Variants in LPO observed in about 807,000 individuals in gnomAD.
LPO encodes the protein lactoperoxidase.
Under a neutral mutation model 68.4 loss-of-function variants are expected in LPO, and 70 were observed. The observed-to-expected ratio is 1.02, with a 90% CI of 0.84 to 1.25. The LOEUF is 1.25. Among genes scored for constraint, LPO ranks in the 50% most tolerant of loss-of-function variants. LPO has a pLI of 0.00. For synonymous variants in LPO, 360 were observed against 357.6 expected, an observed-to-expected ratio of 1.01 and a Z score of -0.08; for missense variants, 873 against 908.4, an observed-to-expected ratio of 0.96 and a Z score of 0.50.
In LPO at chr17:58,268,004, C is replaced by A. The variant is rs1474137029; in HGVS notation, c.*10C>A. On this transcript the variant is annotated 3_prime_UTR_variant, in exon 13 of 13. Coordinates refer to ENST00000262290, the MANE Select transcript of LPO (RefSeq NM_006151.3). ...CTCAGTGAAGAATTAGGGGCCCGCG[C>A]TGCACAGGAAAGTTCCCTTTGGTCC... is the stretch of plus-strand genomic sequence containing the variant. 3 of 1,612,606 alleles carry A rather than the reference C, an allele frequency of 1.9e-6. No homozygotes were observed. The highest frequency in any genetic ancestry group is 1.7e-6 in the Non-Finnish European group (2 of 1,179,898).
At chr17:58,239,087 G>A (rs1969709776) in intron 1 of LPO, among the ~76,000 whole-genome samples, 1 of 151,938 alleles carries the variant, frequency 6.6e-6, no homozygotes, top group Admixed American at 6.6e-5. Flanking sequence ...CAGGAATTTG[G>A]GGGAAAACAG....
At position 58,264,819 on chromosome 17, in the gene LPO, G is replaced by A; in HGVS notation, c.1364G>A (p.Arg455Lys). 1 of 1,614,256 alleles carries A rather than the reference G, an allele frequency of 6.2e-7. No homozygotes were observed. Among genetic ancestry groups the A allele is most frequent in the Non-Finnish European group, 8.5e-7 (1 of 1,180,048 alleles). The change falls in exon 10 of 13, where the codon AGA becomes AAA. Residue 455 changes from arginine (R) to lysine (K), a missense_variant. Arg to Lys is a conservative substitution (Grantham distance 26, BLOSUM62 2). Coordinates refer to ENST00000262290, the MANE Select transcript of LPO (RefSeq NM_006151.3). ...GGCTACAGTGAATCTGTGGATCCCAGAATTTCCAATGTCTTCACCTTCGCC... is the reference window on the plus strand; with the variant it reads ...GGCTACAGTGAATCTGTGGATCCCAAAATTTCCAATGTCTTCACCTTCGCC... Reference protein sequence around the residue: ...YQGYSESVDPRISNVFTFAFR... With the variant: ...YQGYSESVDPKISNVFTFAFR...
chr17:58,261,543 T>TA lies in LPO; in HGVS notation c.1267-3168dup, dbSNP rs796408395. ...TTAGACATCATATAGTTGGGTCACT[T>TA]AAAAAAAAAAAGGAAAAGAAATATA... On this transcript the variant is annotated intron_variant, in intron 9 of 12. Transcript: ENST00000262290. Among the ~76,000 whole-genome samples, 1,454 of 145,474 alleles carry TA rather than the reference T, an allele frequency of 1.0e-2. 14 individuals are homozygous for TA. The highest frequency in any genetic ancestry group is 0.02 in the African/African-American group (788 of 39,984).
At chr17:58,265,573 C>CTTT (rs71365866) in intron 10 of LPO, among the ~76,000 whole-genome samples, 26 of 85,210 alleles carry the variant, frequency 3.1e-4, no homozygotes, top group Non-Finnish European at 4.4e-4. Flanking sequence ...TTAAAAATAC[C>CTTT]TTTTTTTTTT....
In LPO at chr17:58,250,466, C is replaced by G; in HGVS notation, c.625C>G (p.Leu209Val). ...TGGCTATCTGAATGAGGAGGGTGTT[C>G]TGGACCAAAACAGGTCCCTGCTCTT... Reference protein sequence around the residue: ...IVGYLNEEGVLDQNRSLLFMQ... With the variant: ...IVGYLNEEGVVDQNRSLLFMQ... Residue 209 changes from leucine (L) to valine (V), a missense_variant, in exon 7 of 13, where the codon CTG becomes GTG. Physicochemically the swap from Leu to Val is conservative, Grantham distance 32. Transcript: ENST00000262290. 6.2e-7 allele frequency: 1 copy of G among 1,614,172 alleles called. No individual in the cohort carries two copies. The highest frequency in any genetic ancestry group is 8.5e-7 in the Non-Finnish European group (1 of 1,180,034).
At chr17:58,253,840 G>A (rs11868675) in intron 8 of LPO, among the ~76,000 whole-genome samples, 1 of 152,142 alleles carries the variant, frequency 6.6e-6, no homozygotes, top group Non-Finnish European at 1.5e-5. Flanking sequence ...GCCTGGTGCA[G>A]TGGCTCATGC....
chr17:58,258,236 T>G (rs1357579938), intron 9 of LPO, among the ~76,000 whole-genome samples: 2 of 152,326 alleles, frequency 1.3e-5, no homozygotes, highest in East Asian at 3.9e-4. Flanking sequence ...GTCCTGGAGA[T>G]TTTCCCCAAT....
intron 8 of LPO, 105 bp from the exon 9 acceptor site, chr17:58,254,706 G>T (rs565038627): frequency 2.2e-5 from 24 of 1,111,642 alleles, no homozygotes; most frequent in African/African-American, 1.4e-4. Flanking sequence ...GACGGGGCGG[G>T]GGGGGCGGGG....
intron 9 of LPO, among the ~76,000 whole-genome samples, chr17:58,257,209 C>T (rs1025907563): frequency 3.3e-5 from 5 of 151,966 alleles, no homozygotes; most frequent in African/African-American, 1.2e-4. Context: ...GCTGAGATTA[C>T]AGACATGAGC....
intron 1 of LPO, among the ~76,000 whole-genome samples, chr17:58,242,267 A>G (rs1224594282): frequency 1.3e-5 from 2 of 152,234 alleles, no homozygotes; most frequent in African/African-American, 2.4e-5. Flanking sequence ...CTCATGGCAA[A>G]GAGGTTAATC....
intron 8 of LPO, among the ~76,000 whole-genome samples, chr17:58,253,798 C>T (rs1206837856): frequency 4.6e-5 from 7 of 152,192 alleles, no homozygotes; most frequent in African/African-American, 1.7e-4. Flanking sequence ...TGCACTCACA[C>T]CAAGAATTTA....
intron 9 of LPO, among the ~76,000 whole-genome samples, chr17:58,263,950 C>T (rs1427414059): frequency 6.6e-6 from 1 of 152,194 alleles, no homozygotes; most frequent in African/African-American, 2.4e-5. Context: ...ACTTCCCTGG[C>T]TGCCTGCTGT....
At chr17:58,247,397 A>G (rs1016343824) in intron 3 of LPO, 81 bp from the exon 4 acceptor site, 3 of 1,326,492 alleles carry the variant, frequency 2.3e-6, no homozygotes, top group African/African-American at 2.9e-5. Flanking sequence ...TGTTGTACAC[A>G]CACCCCTCCC....
intron 5 of LPO, 91 bp downstream of exon 5, chr17:58,249,268 C>A: frequency 8.5e-7 from 1 of 1,180,478 alleles, no homozygotes; most frequent in Non-Finnish European, 1.2e-6. Context: ...CTAGGCAGAT[C>A]TGCCACTGCC....
intron 9 of LPO, among the ~76,000 whole-genome samples, chr17:58,260,438 G>T (rs575730899): frequency 6.6e-6 from 1 of 152,050 alleles, no homozygotes; most frequent in African/African-American, 2.4e-5. Flanking sequence ...TATTAAATGC[G>T]CATGGTAAGA....
Position 58,264,781 on chromosome 17 carries a change from A to G in LPO, c.1326A>G (p.Ile442Met), listed in dbSNP as rs1440661314. ...TAGGTGACCACATGCAGAAGTGGAT[A>G]CCCCCATATCAAGGCTACAGTGAAT... ...ILLGDHMQKW[I>M]PPYQGYSESV... is the part of the protein sequence containing the mutation. Residue 442 changes from isoleucine to methionine, a missense_variant, in exon 10 of 13, where the codon ATA becomes ATG. By Grantham distance (10) the Ile-to-Met change is conservative. Transcript: ENST00000262290. 1.2e-6 allele frequency: 2 copies of G among 1,613,986 alleles called. No individual in the cohort carries two copies. Among genetic ancestry groups the G allele is most frequent in the African/African-American group, 2.7e-5 (2 of 74,896 alleles).
chr17:58,249,524 A>C (rs980323987), intron 5 of LPO, 42 bp from the exon 6 acceptor site: 11 of 1,590,740 alleles, frequency 6.9e-6, no homozygotes, highest in Non-Finnish European at 8.5e-6. Flanking sequence ...GGAGCCCCGG[A>C]GCCGGCCTGC....
At chr17:58,249,784 T>G in intron 6 of LPO, 89 bp downstream of exon 6, 1 of 1,451,006 alleles carries the variant, frequency 6.9e-7, no homozygotes, top group Non-Finnish European at 9.1e-7. Context: ...GGAGGAGGGA[T>G]CGGTGGGGGC....
intron 1 of LPO, among the ~76,000 whole-genome samples, chr17:58,242,669 A>C (rs1969778733): frequency 6.6e-6 from 1 of 152,190 alleles, no homozygotes; most frequent in Admixed American, 6.5e-5. Context: ...CCAGGACCCC[A>C]GAGATGTTAA....
Sources: allele counts gnomAD v4.1 joint callset (sites outside exome capture counted in the v4.1 genomes callset), GRCh38; gene constraint gnomAD v4.1.1; transcripts MANE v1.5; gene names NCBI Gene and HGNC (gene_info 2026-07-23, HGNC 2026-07-21).